Variants in COL11A1 observed in about 807,000 individuals in gnomAD.
The protein encoded by COL11A1 is collagen type XI alpha 1 chain.
Under a neutral mutation model 265.2 loss-of-function variants are expected in COL11A1, and 74 were observed. The ratio of observed to expected loss-of-function variants is 0.28; its 90% CI spans 0.23 to 0.34. The LOEUF (loss-of-function observed/expected upper bound fraction) is 0.34. Among genes scored for constraint, COL11A1 ranks in the 10% least tolerant of loss-of-function variants. The pLI, the probability that COL11A1 is intolerant of heterozygous loss-of-function variation, is 1.00. For synonymous variants in COL11A1, 816 were observed against 727.6 expected (o/e 1.12, Z -1.96); for missense variants, 2,165 against 2,263.6 (o/e 0.96, Z 0.88).
At chr1:103,083,820 A>AT (rs1044221832) in intron 1 of COL11A1, among the ~76,000 whole-genome samples, 15 of 151,958 alleles carry the variant, frequency 9.9e-5, no homozygotes, top group East Asian at 3.9e-4. Context: ...GCCCCTTCAC[A>AT]TTTTTTTTGT....
In COL11A1 at chr1:102,962,664, C is replaced by T; in HGVS notation, c.3013G>A (p.Glu1005Lys). The T allele has an allele frequency of 1.2e-6, 2 of 1,614,098 alleles. No individual in the cohort carries two copies. The highest frequency in any genetic ancestry group is 4.5e-5 in the East Asian group (2 of 44,854). Residue 1005 changes from glutamate (E) to lysine (K), a missense_variant, in exon 39 of 67, where the codon GAA becomes AAA. Transcript: ENST00000370096. The part of the protein sequence containing the change: ...EQGLPGAAGK[E>K]GAKGDPGPQG... ...GAAGCATGTTGTACCTTTGCACCTT[C>T]TTTTCCTGCAGCACCAGGAAGACCT...
chr1:102,984,119 A>G lies in COL11A1; in HGVS notation c.2556+19T>C. The G allele has an allele frequency of 6.4e-7, 1 of 1,555,986 alleles. No individual in the cohort carries two copies. The highest frequency in any genetic ancestry group is 1.1e-5 in the South Asian group (1 of 88,958). On this transcript the variant is annotated intron_variant, in intron 31 of 66. Coordinates refer to ENST00000370096, the MANE Select transcript of COL11A1 (RefSeq NM_001854.4). Reference sequence around the variant, plus strand: ...TCTTCACGAAATGTTAATAAACTATAAATATCAAGCTGTTTTACCTTTGGA... The same window carrying G: ...TCTTCACGAAATGTTAATAAACTATGAATATCAAGCTGTTTTACCTTTGGA...
At chr1:102,881,030 TATAA>T (rs1293681530) in intron 65 of COL11A1, among the ~76,000 whole-genome samples, 2 of 152,170 alleles carry the variant, frequency 1.3e-5, no homozygotes, top group East Asian at 3.9e-4. Flanking sequence ...ATAATAACTG[TATAA>T]ATAATCATAA....
At chr1:102,908,951 T>G (rs1238514802) in intron 54 of COL11A1, among the ~76,000 whole-genome samples, 1 of 152,182 alleles carries the variant, frequency 6.6e-6, no homozygotes, top group Non-Finnish European at 1.5e-5. Context: ...CATTTATATC[T>G]AAAGAAAAAT....
chr1:102,914,730 C>T lies in COL11A1; in HGVS notation c.3898G>A (p.Gly1300Ser), dbSNP rs775410525. ...GGGTTACCCTTAGGGCCATCATCACCTGGTGGCCCCTTGGCACCTGGAGGT... is the reference window on the plus strand; with the variant it reads ...GGGTTACCCTTAGGGCCATCATCACTTGGTGGCCCCTTGGCACCTGGAGGT... Reference protein sequence around the residue: ...AGPPGAKGPPGDDGPKGNPGP... With the variant: ...AGPPGAKGPPSDDGPKGNPGP... The change falls in exon 51 of 67, where the codon GGT becomes AGT. Residue 1300 changes from glycine (G) to serine (S), a missense_variant. Coordinates refer to ENST00000370096, the MANE Select transcript of COL11A1 (RefSeq NM_001854.4). 2 of 1,612,918 alleles carry T rather than the reference C, an allele frequency of 1.2e-6. No homozygotes were observed. The highest frequency in any genetic ancestry group is 2.7e-5 in the African/African-American group (2 of 74,854).
intron 64 of COL11A1, among the ~76,000 whole-genome samples, chr1:102,882,964 G>A (rs1008032344): frequency 6.6e-6 from 1 of 152,144 alleles, no homozygotes; most frequent in African/African-American, 2.4e-5. Context: ...GAATTTTAGT[G>A]AGCAAGCAGG....
At position 102,997,068 on chromosome 1, in the gene COL11A1, T is replaced by C; in HGVS notation, c.2241+12A>G. ...ATTAATAGGACATTTAAATGGATAC[T>C]TTGGAACCTACCAGAGCCCCCTTTT... On this transcript the variant is annotated intron_variant, in intron 26 of 66. Coordinates refer to ENST00000370096, the MANE Select transcript of COL11A1 (RefSeq NM_001854.4). 6.2e-7 allele frequency: 1 copy of C among 1,611,064 alleles called. No individual in the cohort carries two copies.
At position 103,022,617 on chromosome 1, in the gene COL11A1, G is replaced by A. The variant is rs34229612; in HGVS notation, c.1245+125C>T. ...TAACAAGGTGTCCTAGTGGTAATAG[G>A]CATTCATAATTTACATAAAAATTCA... On this transcript the variant is annotated intron_variant, in intron 8 of 66. Transcript: ENST00000370096. 69,597 of 1,062,158 alleles carry A rather than the reference G, an allele frequency of 0.066. 2,565 individuals carry two copies. Among genetic ancestry groups the A allele is most frequent in the African/African-American group, 0.12 (7,358 of 63,656 alleles). 65.8% of individuals were successfully genotyped at this position (1,062,158 alleles called of 1,614,324 possible).
intron 62 of COL11A1, among the ~76,000 whole-genome samples, chr1:102,887,826 A>G (rs373809049): frequency 1.3e-5 from 2 of 152,272 alleles, no homozygotes; most frequent in Non-Finnish European, 1.5e-5. Flanking sequence ...AGATACACCC[A>G]AAGAGGGAAG....
intron 2 of COL11A1, among the ~76,000 whole-genome samples, chr1:103,080,646 C>T (rs1415353): frequency 0.14 from 20,891 of 151,688 alleles, 1,592 homozygotes; most frequent in Non-Finnish European, 0.16. Flanking sequence ...GTATGAATGG[C>T]AACTATCAAA....
intron 1 of COL11A1, among the ~76,000 whole-genome samples, chr1:103,096,894 T>A (rs1673817925): frequency 6.6e-6 from 1 of 152,054 alleles, no homozygotes; most frequent in Admixed American, 6.6e-5. Flanking sequence ...TAAGTTATGT[T>A]TTTGTCTTAT....
At chr1:102,903,851 C>T (rs1481675957) in intron 54 of COL11A1, among the ~76,000 whole-genome samples, 1 of 152,132 alleles carries the variant, frequency 6.6e-6, no homozygotes, top group Non-Finnish European at 1.5e-5. Flanking sequence ...ACAGAGTGAT[C>T]TCACTTATGT....
At chr1:103,025,036 A>C (rs1485003603) in intron 7 of COL11A1, among the ~76,000 whole-genome samples, 1 of 152,192 alleles carries the variant, frequency 6.6e-6, no homozygotes, top group Non-Finnish European at 1.5e-5. Flanking sequence ...ATTCCTAACA[A>C]GTTTGAAAAT....
intron 35 of COL11A1, among the ~76,000 whole-genome samples, chr1:102,975,424 G>T (rs1166542871): frequency 6.6e-6 from 1 of 151,950 alleles, no homozygotes; most frequent in Non-Finnish European, 1.5e-5. Context: ...ATTTATTTTG[G>T]ATGATGTCAA....
At chr1:102,914,458 A>G (rs1043656385) in intron 51 of COL11A1, 53 bp from the exon 52 acceptor site, 48 of 1,486,602 alleles carry the variant, frequency 3.2e-5, no homozygotes, top group Non-Finnish European at 3.8e-5. Context: ...AATTTTTATA[A>G]AATTATGACA....
At chr1:103,014,259 T>C (rs571549767) in intron 13 of COL11A1, among the ~76,000 whole-genome samples, 1 of 152,208 alleles carries the variant, frequency 6.6e-6, no homozygotes, top group Admixed American at 6.6e-5. Flanking sequence ...AAATCTTGCG[T>C]GTTATGGTGG....
At chr1:103,104,139 CT>C (rs5776678) in intron 1 of COL11A1, among the ~76,000 whole-genome samples, 2 of 151,936 alleles carry the variant, frequency 1.3e-5, no homozygotes, top group African/African-American at 4.8e-5. Flanking sequence ...ATATAAACAC[CT>C]TTTTTTAACC....
In COL11A1 at chr1:102,898,954, T is replaced by A; in HGVS notation, c.4127A>T (p.Glu1376Val). The change falls in exon 55 of 67, where the codon GAA becomes GTA. Residue 1376 changes from glutamate (E) to valine (V), a missense_variant. Coordinates refer to ENST00000370096, the MANE Select transcript of COL11A1 (RefSeq NM_001854.4). ...TTTTTTTTTTACCTTAGCACCTTTT[T>A]CACCTTGTCTTCCCTCTGCACCTGC... is the stretch of plus-strand genomic sequence containing the variant. ...GAAGAEGRQG[E>V]KGAKGEAGAE... 6.5e-7 allele frequency: 1 copy of A among 1,532,938 alleles called. No individual in the cohort carries two copies. The highest frequency in any genetic ancestry group is 8.9e-7 in the Non-Finnish European group (1 of 1,129,076). 95.0% of individuals were successfully genotyped at this position (1,532,938 alleles called of 1,614,324 possible). A position where few individuals can be genotyped will look rare whatever the true frequency, so the allele number is the denominator to read the frequency against.
At chr1:102,948,298 A>T (rs1659525657) in intron 41 of COL11A1, among the ~76,000 whole-genome samples, 1 of 152,106 alleles carries the variant, frequency 6.6e-6, no homozygotes, top group South Asian at 2.1e-4. Context: ...ATCTGTTTTA[A>T]AAATGAAGAA....
Sources: gnomAD v4.1 joint callset for allele counts (sites outside exome capture counted in the v4.1 genomes callset) on GRCh38, gnomAD v4.1.1 for gene constraint, MANE v1.5 for transcripts, NCBI Gene and HGNC (gene_info 2026-07-23, HGNC 2026-07-21) for gene names.